The following RBFOX1 variants were observed in gnomAD, a reference collection of about 807,000 sequenced individuals.
RBFOX1 encodes the protein RNA binding fox-1 homolog 1.
Under a neutral mutation model 57.7 loss-of-function variants are expected in RBFOX1, and 8 were observed. The ratio of observed to expected loss-of-function variants is 0.14; its 90% confidence interval spans 0.08 to 0.25. The LOEUF is 0.25. RBFOX1 is among the 10% of genes least tolerant of loss of function. The pLI, the probability that RBFOX1 is intolerant of heterozygous loss-of-function variation, is 1.00. For synonymous variants in RBFOX1, 326 were observed against 222.4 expected (o/e 1.47, Z -4.15); for missense variants, 611 against 548.5 (o/e 1.11, Z -1.14).
chr16:7,414,601 TTG>T (rs1456450828), intron 4 of RBFOX1, among the ~76,000 whole-genome samples: 1 of 152,022 alleles, frequency 6.6e-6, no homozygotes, highest in African/African-American at 2.4e-5. Flanking sequence ...TTTTCAAATA[TTG>T]TTTTTATTTT....
chr16:6,039,852 A>T (rs918748505), intron 1 of RBFOX1, among the ~76,000 whole-genome samples: 13 of 152,188 alleles, frequency 8.5e-5, no homozygotes, highest in African/African-American at 3.1e-4. Flanking sequence ...TGTCACCTGA[A>T]GGCTCAGCCG....
At chr16:5,684,669 C>G (rs77929864) in intron 3 of RBFOX1, among the ~76,000 whole-genome samples, 1 of 152,184 alleles carries the variant, frequency 6.6e-6, no homozygotes, top group Non-Finnish European at 1.5e-5. Flanking sequence ...TCAGCCTTTT[C>G]ATCAGCTTCT....
At chr16:6,229,492 A>G (rs891003759) in intron 1 of RBFOX1, among the ~76,000 whole-genome samples, 1 of 152,200 alleles carries the variant, frequency 6.6e-6, no homozygotes, top group African/African-American at 2.4e-5. Context: ...GTTTGTGAGC[A>G]TTAAGTGACG....
intron 3 of RBFOX1, among the ~76,000 whole-genome samples, chr16:6,930,870 G>T (rs1016991668): frequency 6.6e-6 from 1 of 152,002 alleles, no homozygotes; most frequent in African/African-American, 2.4e-5. Context: ...GTAATAGCAT[G>T]TTCCTATCCA....
At chr16:6,400,761 G>C (rs1044511137) in intron 2 of RBFOX1, among the ~76,000 whole-genome samples, 1 of 152,154 alleles carries the variant, frequency 6.6e-6, no homozygotes, top group Admixed American at 6.5e-5. Context: ...AACCAGGCTT[G>C]GTGGGCGCTT....
Position 7,580,124 on chromosome 16 carries a change from T to C in RBFOX1, c.414+204T>C, listed in dbSNP as rs890424268. ...TTTCTGTACATATGCTCACCATGTA[T>C]CTACTTTACCAAGTGGCTTTCTTCT... is the stretch of plus-strand genomic sequence containing the variant. On this transcript the variant is annotated intron_variant, in intron 6 of 15. Transcript: ENST00000550418. Among the ~76,000 whole-genome samples the C allele has an allele frequency of 2.0e-5, 3 of 152,212 alleles. No individual in the cohort carries two copies. In the South Asian group the frequency reaches 6.2e-4, roughly 31 times the overall value.
At chr16:5,827,512 C>G (rs530293694) in intron 3 of RBFOX1, among the ~76,000 whole-genome samples, 4 of 152,116 alleles carry the variant, frequency 2.6e-5, no homozygotes, top group East Asian at 1.9e-4. Flanking sequence ...CTCCCTCCCT[C>G]TACATCAAGA....
At chr16:6,950,388 C>T (rs183081423) in intron 3 of RBFOX1, among the ~76,000 whole-genome samples, 3 of 146,008 alleles carry the variant, frequency 2.1e-5, no homozygotes, top group African/African-American at 7.6e-5. Flanking sequence ...ACCCACCACC[C>T]ACTACCCACT....
intron 2 of RBFOX1, among the ~76,000 whole-genome samples, chr16:5,481,384 A>G (rs2069535537): frequency 6.6e-6 from 1 of 152,214 alleles, no homozygotes; most frequent in Non-Finnish European, 1.5e-5. Flanking sequence ...GACTGGGAGA[A>G]CAGGGCATTT....
rs557398812 is a variant in RBFOX1, at chr16:7,630,502, A to G, written c.677-101A>G. On this transcript the variant is annotated intron_variant, in intron 10 of 15. Transcript: ENST00000550418. Reference sequence around the variant, plus strand: ...TTGTCCTGCGCTCTGGGATGTGGCTATGTTTTCATTTCTCTGCATTTCTCG... The same window carrying G: ...TTGTCCTGCGCTCTGGGATGTGGCTGTGTTTTCATTTCTCTGCATTTCTCG... The G allele has an allele frequency of 8.4e-6, 13 of 1,555,928 alleles. No homozygotes were observed. In the African/African-American group the frequency reaches 1.4e-4, roughly 16 times the overall value.
chr16:5,756,223 CAA>C (rs5815266), intron 3 of RBFOX1, among the ~76,000 whole-genome samples: 9,273 of 50,278 alleles, frequency 0.18, 89 homozygotes, highest in African/African-American at 0.3. Context: ...TCCACATAAG[CAA>C]AAAAAAAAAA....
chr16:7,102,285 G>C (rs1038973186), intron 4 of RBFOX1, among the ~76,000 whole-genome samples: 5 of 152,280 alleles, frequency 3.3e-5, no homozygotes, highest in African/African-American at 1.2e-4. Context: ...TCCATTCTTT[G>C]TCTATCCATA....
chr16:6,878,671 G>A (rs546983412), intron 3 of RBFOX1, among the ~76,000 whole-genome samples: 2 of 152,100 alleles, frequency 1.3e-5, no homozygotes, highest in Non-Finnish European at 2.9e-5. Flanking sequence ...TTAATTCAAA[G>A]GTAACTCAAC....
intron 4 of RBFOX1, among the ~76,000 whole-genome samples, chr16:7,487,755 G>GC (rs2065811514): frequency 6.6e-6 from 1 of 152,120 alleles, no homozygotes; most frequent in Non-Finnish European, 1.5e-5. Context: ...GCTTGTAAAA[G>GC]TGCCTCCTCA....
At chr16:6,681,671 GAAA>G (rs34916559) in intron 3 of RBFOX1, among the ~76,000 whole-genome samples, 22,857 of 145,522 alleles carry the variant, frequency 0.16, 1,872 homozygotes, top group Middle Eastern at 0.2. Flanking sequence ...CATTTAACCA[GAAA>G]AAAAAAAAAA....
intron 1 of RBFOX1, among the ~76,000 whole-genome samples, chr16:6,088,862 C>G (rs74591336): frequency 6.6e-6 from 1 of 151,964 alleles, no homozygotes; most frequent in East Asian, 1.9e-4. Flanking sequence ...TTTGGGAGAC[C>G]AAGGCGGGCA....
chr16:5,958,163 T>G (rs1449192338), intron 4 of RBFOX1, among the ~76,000 whole-genome samples: 1 of 152,230 alleles, frequency 6.6e-6, no homozygotes, highest in African/African-American at 2.4e-5. Flanking sequence ...TACTTTTTTG[T>G]GTAAAGGGCT....
intron 1 of RBFOX1, among the ~76,000 whole-genome samples, chr16:5,277,492 A>G (rs749834941): frequency 3.3e-5 from 5 of 152,154 alleles, no homozygotes; most frequent in East Asian, 1.9e-4. Context: ...GTCACTTTCT[A>G]TGATATTAAA....
intron 3 of RBFOX1, among the ~76,000 whole-genome samples, chr16:6,882,304 G>T (rs145373870): frequency 1.3e-5 from 2 of 152,108 alleles, no homozygotes; most frequent in Non-Finnish European, 2.9e-5. Flanking sequence ...TGTGCACTGG[G>T]TCTCATCCTT....
Sources: gnomAD v4.1 joint callset for allele counts (sites outside exome capture counted in the v4.1 genomes callset) on GRCh38, gnomAD v4.1.1 for gene constraint, MANE v1.5 for transcripts, NCBI Gene and HGNC (gene_info 2026-07-23, HGNC 2026-07-21) for gene names.